Variants in NCKAP5 observed in about 807,000 individuals in gnomAD.
NCKAP5 encodes nck-associated protein 5.
Under a neutral mutation model 167.0 loss-of-function variants are expected in NCKAP5, and 92 were observed. The ratio of observed to expected loss-of-function variants is 0.55; its 90% CI spans 0.47 to 0.66. The LOEUF is 0.66. Ranked by LOEUF, NCKAP5 falls within the 30% of genes least tolerant of loss-of-function variation. NCKAP5 has a pLI of 0.00. For missense variants in NCKAP5, 2,378 were observed against 2,315.0 expected (o/e 1.03, Z -0.56); for synonymous variants, 891 against 877.4 (o/e 1.02, Z -0.27).
At chr2:133,609,264 AT>A in the NCKAP5 span, among the ~76,000 whole-genome samples, 2 of 152,180 alleles carry the variant, frequency 1.3e-5, no homozygotes, top group South Asian at 2.1e-4. Context: ...GAGAAAAAAA[AT>A]ATTATCTGTT....
chr2:132,986,469 C>A (rs2077291334), intron 7 of NCKAP5, among the ~76,000 whole-genome samples: 1 of 152,194 alleles, frequency 6.6e-6, no homozygotes, highest in Non-Finnish European at 1.5e-5. Flanking sequence ...ACAGCAGATT[C>A]TGTTGCAAGT....
rs1683265287 is a variant in NCKAP5 at position 132,783,639 on chromosome 2, G to A, written c.3172C>T (p.Gln1058Ter). The A allele has an allele frequency of 6.2e-7, 1 of 1,613,798 alleles. No homozygotes were observed. Among genetic ancestry groups the A allele is most frequent in the African/African-American group, 1.3e-5 (1 of 74,894 alleles). Residue 1058 changes from glutamine (Q) to a stop codon, truncating the protein, a stop_gained, in exon 14 of 20, where the codon CAA becomes TAA. Transcript: ENST00000409261. LOFTEE classifies it high-confidence loss of function. ...GGAGTCTGTAATCCTATGTCCCTTT[G>A]TGGGGTCCCAAGTGTTTGGCGAGGA... The part of the protein sequence containing the change: ...TSPRQTLGTP[Q>*]RDIGLQTPRI...
chr2:133,074,942 C>T (rs575252157), intron 6 of NCKAP5, among the ~76,000 whole-genome samples: 3 of 151,478 alleles, frequency 2.0e-5, no homozygotes, highest in East Asian at 1.9e-4. Flanking sequence ...AAATGATAGC[C>T]GAATACCTTC....
intron 2 of NCKAP5, among the ~76,000 whole-genome samples, chr2:133,519,709 T>C (rs1320241943): frequency 6.6e-6 from 1 of 152,184 alleles, no homozygotes. Context: ...ACAGTAGGAA[T>C]ACCCTAGGAA....
chr2:132,937,449 G>C (rs1283192406), intron 8 of NCKAP5, among the ~76,000 whole-genome samples: 1 of 152,192 alleles, frequency 6.6e-6, no homozygotes, highest in Non-Finnish European at 1.5e-5. Flanking sequence ...TGGGAAAGGA[G>C]ATTTGAAGAG....
At chr2:132,794,820 C>A (rs542446700) in intron 12 of NCKAP5, among the ~76,000 whole-genome samples, 148 of 152,180 alleles carry the variant, frequency 9.7e-4, no homozygotes, top group Non-Finnish European at 1.9e-3. Flanking sequence ...AGGCAATAGC[C>A]AAAAGTGGAT....
intron 2 of NCKAP5, among the ~76,000 whole-genome samples, chr2:133,530,751 G>C (rs1685298075): frequency 6.6e-6 from 1 of 152,100 alleles, no homozygotes; most frequent in Admixed American, 6.5e-5. Flanking sequence ...TCTAGCACTA[G>C]GCTTTAAGAG....
At chr2:133,539,253 T>C (rs1244182595) in intron 2 of NCKAP5, among the ~76,000 whole-genome samples, 1 of 152,046 alleles carries the variant, frequency 6.6e-6, no homozygotes, top group African/African-American at 2.4e-5. Context: ...CAGTTTTATA[T>C]TATAGAATAG....
Position 133,173,972 on chromosome 2 carries a change from T to C in NCKAP5, c.207+39744A>G, listed in dbSNP as rs1158933542. On this transcript the variant is annotated intron_variant, in intron 5 of 19. Transcript: ENST00000409261. Reference sequence around the variant, plus strand: ...AATGGAGAGAAGGTAGAAAAATACATACGCTTTTTTTCCCCCAGTGATTAA... The same window carrying C: ...AATGGAGAGAAGGTAGAAAAATACACACGCTTTTTTTCCCCCAGTGATTAA... Among the ~76,000 whole-genome samples the C allele has an allele frequency of 3.4e-5, 5 of 148,928 alleles. No homozygotes were observed. The South Asian group carries it at 1.1e-3, about 32-fold the overall frequency.
At chr2:133,588,500 T>C in the NCKAP5 span, among the ~76,000 whole-genome samples, 110 of 144,988 alleles carry the variant, frequency 7.6e-4, no homozygotes, top group Middle Eastern at 0.01. Flanking sequence ...CCTCTCTTCC[T>C]ACCTTCCCTC....
chr2:132,794,292 AGAGAGAGAGAGAGAGGGT>A (rs1213319583), intron 12 of NCKAP5, among the ~76,000 whole-genome samples: 28 of 120,928 alleles, frequency 2.3e-4, no homozygotes, highest in African/African-American at 8.1e-4. Context: ...AGAGAGAGAG[AGAGAGAGAGAGAGAGGGT>A]GGCGGGAAGA....
intron 3 of NCKAP5, among the ~76,000 whole-genome samples, chr2:133,397,413 G>T (rs187192760): frequency 7.2e-5 from 11 of 152,282 alleles, no homozygotes; most frequent in Admixed American, 5.9e-4. Context: ...AATATTTTCT[G>T]AAGACAGCCT....
chr2:133,127,720 A>G (rs189028892), intron 6 of NCKAP5, among the ~76,000 whole-genome samples: 124 of 152,304 alleles, frequency 8.1e-4, no homozygotes, highest in Non-Finnish European at 1.1e-3. Context: ...CTGTGCCATT[A>G]AAACAACCAA....
intron 8 of NCKAP5, among the ~76,000 whole-genome samples, chr2:132,940,067 A>C (rs969402871): frequency 6.6e-6 from 1 of 152,086 alleles, no homozygotes; most frequent in Non-Finnish European, 1.5e-5. Context: ...TGAGTTCCCA[A>C]AGTCCATTAT....
At chr2:132,934,619 A>G (rs116639563) in intron 8 of NCKAP5, among the ~76,000 whole-genome samples, 2,761 of 152,198 alleles carry the variant, frequency 0.018, 87 homozygotes, top group African/African-American at 0.062. Flanking sequence ...CCACACTAAA[A>G]CTATGAAAAT....
intron 3 of NCKAP5, among the ~76,000 whole-genome samples, chr2:133,357,871 T>G (rs1036332382): frequency 6.6e-6 from 1 of 152,240 alleles, no homozygotes; most frequent in African/African-American, 2.4e-5. Context: ...TGTTCCTTTC[T>G]ACAGATAGAA....
At chr2:133,533,968 C>CA (rs1558761926) in intron 2 of NCKAP5, among the ~76,000 whole-genome samples, 1 of 151,788 alleles carries the variant, frequency 6.6e-6, no homozygotes, top group Non-Finnish European at 1.5e-5. Context: ...TACACACACA[C>CA]AAAAAATAAA....
chr2:133,258,609 A>T (rs2088741000), intron 4 of NCKAP5, among the ~76,000 whole-genome samples: 1 of 151,942 alleles, frequency 6.6e-6, no homozygotes, highest in African/African-American at 2.4e-5. Context: ...GCCAGGCATG[A>T]TGGTGCATGC....
chr2:133,178,083 G>T (rs1236999205), intron 5 of NCKAP5, among the ~76,000 whole-genome samples: 1 of 152,130 alleles, frequency 6.6e-6, no homozygotes, highest in East Asian at 1.9e-4. Context: ...GTTCCCCTTT[G>T]GTATCAATGG....
Sources: allele counts gnomAD v4.1 joint callset (sites outside exome capture counted in the v4.1 genomes callset), GRCh38; gene constraint gnomAD v4.1.1; transcripts MANE v1.5; gene names NCBI Gene and HGNC (gene_info 2026-07-23, HGNC 2026-07-21).